Variants in SYTL2 observed in about 807,000 individuals in gnomAD.
The protein encoded by SYTL2 is synaptotagmin like 2.
Under a neutral mutation model 198.7 loss-of-function variants are expected in SYTL2, and 165 were observed. That is an observed-to-expected ratio of 0.83 (90% CI 0.73 to 0.94). SYTL2 has a LOEUF of 0.94. Ranked by LOEUF, SYTL2 falls within the 40% of genes least tolerant of loss-of-function variation. SYTL2 has a pLI of 0.00. For missense variants in SYTL2, 2,835 were observed against 2,582.8 expected (o/e 1.10, Z -2.12); for synonymous variants, 966 against 917.7 (o/e 1.05, Z -0.95).
chr11:85,829,064 T>C, the SYTL2 span, among the ~76,000 whole-genome samples: 2 of 143,720 alleles, frequency 1.4e-5, no homozygotes, highest in African/African-American at 2.6e-5. Flanking sequence ...TTTTTTTTTG[T>C]TTGTTTGTTT....
At position 85,725,803 on chromosome 11, in the gene SYTL2, T is replaced by C; in HGVS notation, c.3555A>G (p.Lys1185=). 1.2e-6 allele frequency: 2 copies of C among 1,614,158 alleles called. No homozygotes were observed. Among genetic ancestry groups the C allele is most frequent in the Middle Eastern group, 1.6e-4 (1 of 6,062 alleles). Residue 1185 remains lysine, a synonymous_variant, in exon 8 of 20, where the codon AAA becomes AAG. Coordinates refer to ENST00000359152, the MANE Select transcript of SYTL2 (RefSeq NM_206927.4). ...TDFADTEEEV[K]GPEKIINEHV... The stretch of plus-strand genomic sequence containing the variant: ...GCTCATTAATGATCTTCTCAGGTCC[T>C]TTGACTTCTTCCTCAGTATCAGCAA...
At chr11:85,787,398 T>A (rs1030463742) in intron 1 of SYTL2, among the ~76,000 whole-genome samples, 3 of 152,216 alleles carry the variant, frequency 2.0e-5, no homozygotes, top group African/African-American at 7.2e-5. Flanking sequence ...AGCCATTTCT[T>A]AGTAACTTTA....
chr11:85,733,853 C>A, intron 7 of SYTL2, 86 bp downstream of exon 7: 1 of 1,056,034 alleles, frequency 9.5e-7, no homozygotes, highest in Non-Finnish European at 1.4e-6. Context: ...CCCGCCTCGG[C>A]CTCCCAAAGT....
chr11:85,769,531 C>A (rs1228184887), intron 1 of SYTL2, among the ~76,000 whole-genome samples: 1 of 152,216 alleles, frequency 6.6e-6, no homozygotes, highest in African/African-American at 2.4e-5. Flanking sequence ...TTTCAGACTT[C>A]TGACTTCTAG....
intron 4 of SYTL2, among the ~76,000 whole-genome samples, chr11:85,742,265 T>G (rs903376596): frequency 2.0e-5 from 3 of 152,168 alleles, no homozygotes; most frequent in African/African-American, 4.8e-5. Flanking sequence ...CAAATTCTCC[T>G]CTATTTTTCT....
intron 8 of SYTL2, among the ~76,000 whole-genome samples, 180 bp downstream of exon 8, chr11:85,723,852 A>G (rs943183425): frequency 7.2e-6 from 1 of 138,688 alleles, no homozygotes; most frequent in African/African-American, 3.0e-5. Context: ...TATGTAATGC[A>G]TTTGATTAAA....
the SYTL2 span, among the ~76,000 whole-genome samples, chr11:85,830,071 G>A: frequency 1.3e-5 from 2 of 152,270 alleles, no homozygotes; most frequent in Admixed American, 6.5e-5. Flanking sequence ...ATAAAGTTAC[G>A]TCTCACAGTA....
intron 14 of SYTL2, among the ~76,000 whole-genome samples, chr11:85,708,984 G>A (rs1014973236): frequency 2.0e-5 from 3 of 151,108 alleles, no homozygotes; most frequent in Non-Finnish European, 3.0e-5. Flanking sequence ...GACTACAGGC[G>A]CCCGCCACCA....
At chr11:85,801,878 G>A (rs993747820) in intron 1 of SYTL2, among the ~76,000 whole-genome samples, 8 of 150,312 alleles carry the variant, frequency 5.3e-5, no homozygotes, top group African/African-American at 9.8e-5. Context: ...GCAATGGCGC[G>A]ATCTCGGCTC....
At chr11:85,713,687 C>CT (rs1482848259) in intron 12 of SYTL2, among the ~76,000 whole-genome samples, 3 of 152,188 alleles carry the variant, frequency 2.0e-5, no homozygotes, top group Non-Finnish European at 4.4e-5. Context: ...GAAAATAGTC[C>CT]TTACCACATA....
chr11:85,720,735 A>G (rs898522290), intron 9 of SYTL2, 123 bp downstream of exon 9: 1 of 624,828 alleles, frequency 1.6e-6, no homozygotes, highest in African/African-American at 1.8e-5. Flanking sequence ...GGTTATTTTC[A>G]TCTGTTAACT....
At chr11:85,728,529 C>T (rs1279568891) in intron 7 of SYTL2, among the ~76,000 whole-genome samples, 6 of 152,130 alleles carry the variant, frequency 3.9e-5, no homozygotes, top group Non-Finnish European at 8.8e-5. Context: ...TCATGATCCA[C>T]TCACCTCAGC....
At chr11:85,780,061 ACT>A (rs1302917124) in intron 1 of SYTL2, among the ~76,000 whole-genome samples, 1 of 152,218 alleles carries the variant, frequency 6.6e-6, no homozygotes, top group East Asian at 1.9e-4. Context: ...AAATGCTGTG[ACT>A]CACACTGGTG....
the SYTL2 span, among the ~76,000 whole-genome samples, chr11:85,825,476 T>A: frequency 9.9e-5 from 15 of 151,298 alleles, no homozygotes; most frequent in East Asian, 1.2e-3. Flanking sequence ...TTTTGCAACA[T>A]GGAGCAACGG....
chr11:85,751,669 T>C (rs745606790), intron 2 of SYTL2, among the ~76,000 whole-genome samples: 1 of 152,222 alleles, frequency 6.6e-6, no homozygotes, highest in Non-Finnish European at 1.5e-5. Context: ...CTGGTCATTC[T>C]CTCGTTCATT....
chr11:85,844,174 C>G, the SYTL2 span, among the ~76,000 whole-genome samples: 1 of 152,202 alleles, frequency 6.6e-6, no homozygotes, highest in Non-Finnish European at 1.5e-5. Flanking sequence ...CTAGCTGAAG[C>G]CTCTCAATTT....
In SYTL2 at chr11:85,726,987, T is replaced by C. The variant is rs2089277313; in HGVS notation, c.2371A>G (p.Arg791Gly). 3.3e-6 allele frequency: 5 copies of C among 1,536,666 alleles called. No individual in the cohort carries two copies. In the South Asian group the frequency reaches 4.8e-5, roughly 15 times the overall value. ...KNQVQREKYK[R>G]VSDRISFWEG... ...CAAAAGGATATTCTGTCACTCACTC[T>C]TTTGTATTTCTCTCTCTGCACTTGG... The change falls in exon 8 of 20, where the codon AGA becomes GGA. Residue 791 changes from arginine to glycine, a missense_variant. Arg to Gly is a moderately radical substitution (Grantham distance 125). Coordinates refer to ENST00000359152, the MANE Select transcript of SYTL2 (RefSeq NM_206927.4).
chr11:85,698,149 A>C, intron 17 of SYTL2, 71 bp from the exon 18 acceptor site: 1 of 1,025,278 alleles, frequency 9.8e-7, no homozygotes, highest in Non-Finnish European at 1.5e-6. Context: ...CAAAGATGTC[A>C]GCCTAAAAAT....
intron 8 of SYTL2, among the ~76,000 whole-genome samples, chr11:85,723,032 T>C (rs866503958): frequency 1.3e-5 from 2 of 152,206 alleles, no homozygotes; most frequent in Non-Finnish European, 2.9e-5. Flanking sequence ...TCAGCATCAG[T>C]TGTGCAACTT....
Sources: gnomAD v4.1 joint callset for allele counts (sites outside exome capture counted in the v4.1 genomes callset) on GRCh38, gnomAD v4.1.1 for gene constraint, MANE v1.5 for transcripts, NCBI Gene and HGNC (gene_info 2026-07-23, HGNC 2026-07-21) for gene names.